The following GABRG1 variants were observed in gnomAD, a reference collection of about 807,000 sequenced individuals.
GABRG1 encodes gamma-aminobutyric acid receptor subunit gamma-1.
GABRG1 carries 49 observed loss-of-function variants against 49.8 expected under a neutral mutation model. The observed-to-expected ratio is 0.98, with a 90% CI of 0.78 to 1.25. The LOEUF (loss-of-function observed/expected upper bound fraction) is 1.25, where lower values mean the gene tolerates loss of function less well. Ranked by LOEUF, GABRG1 falls within the 50% of genes most tolerant of loss-of-function variation. GABRG1 has a pLI of 0.00. For missense variants in GABRG1, 552 were observed against 552.3 expected (o/e 1.00, Z 0.01); for synonymous variants, 232 against 185.1 (o/e 1.25, Z -2.06).
At chr4:46,090,370 A>G (rs897970600) in intron 2 of GABRG1, among the ~76,000 whole-genome samples, 1 of 152,100 alleles carries the variant, frequency 6.6e-6, no homozygotes, top group African/African-American at 2.4e-5. Context: ...TAGGGCAACT[A>G]TCAAAATACC....
rs544712539 is a variant in GABRG1, at chr4:46,099,025, G to T, written c.105-1676C>A. 2.0e-5 allele frequency among the ~76,000 whole-genome samples: 3 copies of T among 151,584 alleles called. No homozygotes were observed. The East Asian group carries it at 5.9e-4, about 30-fold the overall frequency. ...CATAAATTAAAATTTTACTTTCAAAGAATTTACTATATTATTTCATCGTTA... is the reference window on the plus strand; with the variant it reads ...CATAAATTAAAATTTTACTTTCAAATAATTTACTATATTATTTCATCGTTA... On this transcript the variant is annotated intron_variant, in intron 1 of 8. Coordinates refer to ENST00000295452, the MANE Select transcript of GABRG1 (RefSeq NM_173536.4).
chr4:46,045,929 A>AT (rs1717980847), intron 8 of GABRG1, among the ~76,000 whole-genome samples: 1 of 152,040 alleles, frequency 6.6e-6, no homozygotes, highest in South Asian at 2.1e-4. Context: ...CAGAAGAGCT[A>AT]TTTTTTCTTT....
chr4:46,092,191 T>C (rs1720014727), intron 2 of GABRG1, among the ~76,000 whole-genome samples: 1 of 152,040 alleles, frequency 6.6e-6, no homozygotes, highest in Non-Finnish European at 1.5e-5. Context: ...ATAGGGTATT[T>C]AAGAAAGGAA....
At chr4:46,048,503 C>A (rs921795042) in intron 8 of GABRG1, among the ~76,000 whole-genome samples, 15 of 148,532 alleles carry the variant, frequency 1.0e-4, no homozygotes, top group Non-Finnish European at 1.6e-4. Flanking sequence ...ATTGTCACAA[C>A]TGGTACTAAA....
chr4:46,094,712 G>T (rs1207198366), intron 2 of GABRG1, among the ~76,000 whole-genome samples: 1 of 151,840 alleles, frequency 6.6e-6, no homozygotes, highest in Non-Finnish European at 1.5e-5. Context: ...GGAAGTAACA[G>T]AATTTCTCCC....
chr4:46,111,744 G>A (rs1446493811), intron 1 of GABRG1, among the ~76,000 whole-genome samples: 1 of 151,310 alleles, frequency 6.6e-6, no homozygotes, highest in East Asian at 2.0e-4. Context: ...ATGAGAAAAG[G>A]ACTCTCTATT....
At chr4:46,077,719 T>C (rs574941268) in intron 3 of GABRG1, among the ~76,000 whole-genome samples, 138 of 152,006 alleles carry the variant, frequency 9.1e-4, no homozygotes, top group Non-Finnish European at 1.9e-3. Context: ...ATGACATATC[T>C]TTTCTGATAT....
rs1560343453 is a variant in GABRG1 at position 46,038,296 on chromosome 4, C to T, written c.*2692G>A. ...AATTCGAAGATAAATAAAATATTACCCTGTCATTGTAAATCCAAAATCACA... is the reference window on the plus strand; with the variant it reads ...AATTCGAAGATAAATAAAATATTACTCTGTCATTGTAAATCCAAAATCACA... On this transcript the variant is annotated 3_prime_UTR_variant, in exon 9 of 9. Coordinates refer to ENST00000295452, the MANE Select transcript of GABRG1 (RefSeq NM_173536.4). The T allele has an allele frequency of 6.6e-6, 1 of 151,218 alleles. No homozygotes were observed. The highest frequency in any genetic ancestry group is 2.1e-4 in the South Asian group (1 of 4,818). 9.4% of individuals were successfully genotyped at this position (151,218 alleles called of 1,614,324 possible).
At chr4:46,122,031 CA>C (rs1721101775) in intron 1 of GABRG1, among the ~76,000 whole-genome samples, 1 of 151,990 alleles carries the variant, frequency 6.6e-6, no homozygotes, top group Admixed American at 6.6e-5. Flanking sequence ...CTTAAGAAAT[CA>C]TATGTGGTCT....
chr4:46,068,384 A>G (rs891417948), intron 3 of GABRG1, among the ~76,000 whole-genome samples: 1 of 152,042 alleles, frequency 6.6e-6, no homozygotes, highest in Non-Finnish European at 1.5e-5. Flanking sequence ...CTTGAGAACC[A>G]ATTTGTCTAA....
At chr4:46,089,959 GC>G (rs1365541401) in intron 2 of GABRG1, among the ~76,000 whole-genome samples, 1 of 151,860 alleles carries the variant, frequency 6.6e-6, no homozygotes, top group Admixed American at 6.6e-5. Flanking sequence ...ATGAGACCAT[GC>G]CTCAAAAAAA....
At chr4:46,079,785 A>G (rs1719498935) in intron 3 of GABRG1, among the ~76,000 whole-genome samples, 2 of 151,812 alleles carry the variant, frequency 1.3e-5, no homozygotes, top group South Asian at 4.1e-4. Context: ...TGAGTGTTGT[A>G]CTTGCCAGTC....
chr4:46,094,101 C>A (rs537814828), intron 2 of GABRG1, among the ~76,000 whole-genome samples: 113 of 151,918 alleles, frequency 7.4e-4, no homozygotes, highest in Non-Finnish European at 1.3e-3. Context: ...AGAAATAAAT[C>A]GTAAAAGTCT....
At chr4:46,058,711 T>C (rs1718553326) in intron 5 of GABRG1, 89 bp from the exon 6 acceptor site, 1 of 984,092 alleles carries the variant, frequency 1.0e-6, no homozygotes, top group African/African-American at 1.6e-5. Flanking sequence ...CTTGGAACTT[T>C]CTCCTCTTTT....
intron 2 of GABRG1, among the ~76,000 whole-genome samples, chr4:46,093,942 G>A (rs1302372623): frequency 6.6e-6 from 1 of 151,756 alleles, no homozygotes; most frequent in Non-Finnish European, 1.5e-5. Flanking sequence ...TGAGCAACAA[G>A]AATTATAAAT....
Position 46,103,065 on chromosome 4 carries a change from G to C in GABRG1, c.105-5716C>G, listed in dbSNP as rs148386141. The stretch of plus-strand genomic sequence containing the variant: ...AAATGGCCTACTTTGGATGATTAAT[G>C]ATCTAGTCACCCTGTATTTAGTTCA... On this transcript the variant is annotated intron_variant, in intron 1 of 8. Coordinates refer to ENST00000295452, the MANE Select transcript of GABRG1 (RefSeq NM_173536.4). Among the ~76,000 whole-genome samples the C allele has an allele frequency of 4.3e-3, 650 of 151,662 alleles. 1 individual carries two copies. Among genetic ancestry groups the C allele is most frequent in the African/African-American group, 0.015 (630 of 41,458 alleles).
intron 2 of GABRG1, among the ~76,000 whole-genome samples, chr4:46,092,000 A>G (rs1180631834): frequency 6.6e-6 from 1 of 152,078 alleles, no homozygotes; most frequent in Non-Finnish European, 1.5e-5. Context: ...AAATAGTAAA[A>G]GTCAGGAGAA....
At chr4:46,097,427 C>T (rs1430803576) in intron 1 of GABRG1, 78 bp from the exon 2 acceptor site, 18 of 1,361,384 alleles carry the variant, frequency 1.3e-5, no homozygotes, top group Non-Finnish European at 1.7e-5. Flanking sequence ...AAGTATGTTA[C>T]AATTGAGTAA....
chr4:46,078,775 G>C (rs899819102), intron 3 of GABRG1, among the ~76,000 whole-genome samples: 17 of 151,842 alleles, frequency 1.1e-4, no homozygotes, highest in African/African-American at 3.6e-4. Context: ...ATAGATTTTG[G>C]TCAAATATTG....
Sources: allele counts gnomAD v4.1 joint callset (sites outside exome capture counted in the v4.1 genomes callset), GRCh38; gene constraint gnomAD v4.1.1; transcripts MANE v1.5; gene names NCBI Gene and HGNC (gene_info 2026-07-23, HGNC 2026-07-21).